Variants in APBA1 observed in about 807,000 individuals in gnomAD.
APBA1 encodes amyloid beta precursor protein binding family A member 1.
Under a neutral mutation model 86.6 loss-of-function variants are expected in APBA1, and 55 were observed. The observed-to-expected ratio is 0.64, with a 90% CI of 0.51 to 0.80. APBA1 has a LOEUF of 0.80. APBA1 is among the 30% of genes least tolerant of loss of function. The pLI is 0.00. For missense variants in APBA1, 1,090 were observed against 1,183.0 expected (o/e 0.92, Z 1.15); for synonymous variants, 511 against 493.9 (o/e 1.03, Z -0.46).
At chr9:69,651,810 G>T (rs1490363178) in intron 1 of APBA1, among the ~76,000 whole-genome samples, 1 of 152,134 alleles carries the variant, frequency 6.6e-6, no homozygotes, top group African/African-American at 2.4e-5. Context: ...ACTGCCAATT[G>T]ATTACTTTGT....
At chr9:69,450,183 TC>T (rs1261238932) in intron 9 of APBA1, among the ~76,000 whole-genome samples, 2 of 151,578 alleles carry the variant, frequency 1.3e-5, no homozygotes, top group African/African-American at 4.9e-5. Context: ...ATGCGCAGGT[TC>T]CCCCTCCCAC....
chr9:69,566,940 G>A (rs1418033812), intron 1 of APBA1, among the ~76,000 whole-genome samples: 1 of 152,146 alleles, frequency 6.6e-6, no homozygotes, highest in Non-Finnish European at 1.5e-5. Context: ...TGTGAGGGCT[G>A]AAACTCTGTT....
chr9:69,502,850 C>T (rs1490697810), intron 2 of APBA1, among the ~76,000 whole-genome samples: 2 of 152,136 alleles, frequency 1.3e-5, no homozygotes, highest in African/African-American at 4.8e-5. Context: ...ATGTTCTGTG[C>T]TTTCCAAACT....
At chr9:69,656,796 A>G (rs1823620338) in intron 1 of APBA1, among the ~76,000 whole-genome samples, 1 of 151,600 alleles carries the variant, frequency 6.6e-6, no homozygotes. Context: ...GTATTATGTG[A>G]CTAGTAGTCA....
chr9:69,634,378 G>A (rs554497619), intron 1 of APBA1, among the ~76,000 whole-genome samples: 95 of 152,296 alleles, frequency 6.2e-4, no homozygotes, highest in African/African-American at 2.2e-3. Flanking sequence ...CATTCTGGTC[G>A]TTGCAACTTG....
rs143004932 is a variant in APBA1, at chr9:69,649,184, T to G, written c.-70+22969A>C. ...ATAATAGCTTCTTAGTGGCTATCAC[T>G]TTCCATCTTGTAAAATGCACGTAAG... On this transcript the variant is annotated intron_variant, in intron 1 of 12. Transcript: ENST00000265381. 3.6e-3 allele frequency among the ~76,000 whole-genome samples: 543 copies of G among 152,326 alleles called. 6 individuals carry two copies. The highest frequency in any genetic ancestry group is 0.013 in the African/African-American group (520 of 41,582).
At chr9:69,649,637 C>T (rs192387538) in intron 1 of APBA1, among the ~76,000 whole-genome samples, 15 of 152,312 alleles carry the variant, frequency 9.8e-5, no homozygotes, top group East Asian at 3.9e-4. Flanking sequence ...CATCCACCCC[C>T]GGGGCCTTGC....
At chr9:69,661,163 T>C (rs761117999) in intron 1 of APBA1, among the ~76,000 whole-genome samples, 4 of 152,224 alleles carry the variant, frequency 2.6e-5, no homozygotes, top group Admixed American at 2.0e-4. Flanking sequence ...GTACAGTTGC[T>C]TTTGCACTAC....
At chr9:69,468,245 G>A (rs2133829278) in intron 4 of APBA1, among the ~76,000 whole-genome samples, 1 of 152,260 alleles carries the variant, frequency 6.6e-6, no homozygotes, top group East Asian at 1.9e-4. Context: ...CAGCAATAAA[G>A]GATACTGTTT....
At chr9:69,597,752 C>A (rs1402731153) in intron 1 of APBA1, among the ~76,000 whole-genome samples, 1 of 152,168 alleles carries the variant, frequency 6.6e-6, no homozygotes, top group Non-Finnish European at 1.5e-5. Context: ...TTTCCCAGCA[C>A]CATTTATTAA....
At chr9:69,592,877 C>T (rs916340942) in intron 1 of APBA1, among the ~76,000 whole-genome samples, 1 of 152,112 alleles carries the variant, frequency 6.6e-6, no homozygotes, top group Admixed American at 6.6e-5. Flanking sequence ...ATAAAATTGT[C>T]CTGAACCTGA....
rs147492606 is a variant in APBA1, at chr9:69,564,835, T to C, written c.-69-47556A>G. ...AATTCCAGCATGTACCCAAAAGAGT[T>C]GACAGCAGGGACTCAAGCAGATACT... On this transcript the variant is annotated intron_variant, in intron 1 of 12. Transcript: ENST00000265381. Among the ~76,000 whole-genome samples, 320 of 152,278 alleles carry C rather than the reference T, an allele frequency of 2.1e-3. 1 individual carries two copies. The highest frequency in any genetic ancestry group is 7.5e-3 in the African/African-American group (311 of 41,554).
In APBA1 at chr9:69,427,712, T is replaced by C. The variant is rs1308072295; in HGVS notation, c.*3615A>G. 6.6e-6 allele frequency: 1 copy of C among 152,094 alleles called. No individual in the cohort carries two copies. The highest frequency in any genetic ancestry group is 1.5e-5 in the Non-Finnish European group (1 of 68,008). 9.4% of individuals were successfully genotyped at this position (152,094 alleles called of 1,614,324 possible). A position where few individuals can be genotyped will look rare whatever the true frequency, so the allele number is the denominator to read the frequency against. The stretch of plus-strand genomic sequence containing the variant: ...GTGACCAGACTGTCAAGGAAGTACA[T>C]TCAGTGGGTGTGCGGTGTCCACATT... On this transcript the variant is annotated 3_prime_UTR_variant, in exon 13 of 13. Transcript: ENST00000265381.
intron 1 of APBA1, among the ~76,000 whole-genome samples, chr9:69,600,218 G>A (rs1822319225): frequency 1.3e-5 from 2 of 152,300 alleles, no homozygotes; most frequent in South Asian, 4.1e-4. Flanking sequence ...AGCATAGGCT[G>A]TGGCCAAAAA....
Position 69,615,219 on chromosome 9 carries a change from A to T in APBA1, c.-70+56934T>A, listed in dbSNP as rs970418596. 6.6e-5 allele frequency among the ~76,000 whole-genome samples: 10 copies of T among 152,280 alleles called. No individual in the cohort carries two copies. In the East Asian group the frequency reaches 1.9e-3, roughly 29 times the overall value. On this transcript the variant is annotated intron_variant, in intron 1 of 12. Transcript: ENST00000265381. ...TGGCTCAAAAAATAAAATAAGAGAC[A>T]ATTTTTCTCTTAAGCCTTCTATAGT... is the stretch of plus-strand genomic sequence containing the variant.
At chr9:69,637,693 T>C (rs1171117403) in intron 1 of APBA1, among the ~76,000 whole-genome samples, 1 of 152,228 alleles carries the variant, frequency 6.6e-6, no homozygotes, top group Non-Finnish European at 1.5e-5. Flanking sequence ...TGTACTTGTC[T>C]TGTATAACAG....
chr9:69,473,985 A>G (rs1835405167), intron 3 of APBA1, among the ~76,000 whole-genome samples: 2 of 152,244 alleles, frequency 1.3e-5, no homozygotes, highest in Admixed American at 6.5e-5. Context: ...TTGCCTTATT[A>G]TATCTAATGC....
chr9:69,581,430 A>G (rs1821911933), intron 1 of APBA1, among the ~76,000 whole-genome samples: 1 of 152,202 alleles, frequency 6.6e-6, no homozygotes, highest in Admixed American at 6.5e-5. Context: ...AAAGTCACAT[A>G]GTACAAGGGG....
intron 1 of APBA1, among the ~76,000 whole-genome samples, chr9:69,547,219 G>A (rs1298250867): frequency 1.3e-5 from 2 of 152,174 alleles, no homozygotes. Context: ...GTCCAAGGAT[G>A]GTACTGGAGT....
Sources: gnomAD v4.1 joint callset for allele counts (sites outside exome capture counted in the v4.1 genomes callset) on GRCh38, gnomAD v4.1.1 for gene constraint, MANE v1.5 for transcripts, NCBI Gene and HGNC (gene_info 2026-07-23, HGNC 2026-07-21) for gene names.